The following ZNF804A variants were observed in gnomAD, a reference collection of about 807,000 sequenced individuals.
The protein encoded by ZNF804A is zinc finger protein 804A.
Under a neutral mutation model 16.5 loss-of-function variants are expected in ZNF804A, and 2 were observed. The ratio of observed to expected loss-of-function variants is 0.12; its 90% CI spans 0.05 to 0.38. The LOEUF (loss-of-function observed/expected upper bound fraction) is 0.38, where lower values mean the gene tolerates loss of function less well. ZNF804A is among the 10% of genes least tolerant of loss of function. ZNF804A has a pLI of 0.99. For missense variants in ZNF804A, 1,473 were observed against 1,390.7 expected (o/e 1.06, Z -0.94); for synonymous variants, 534 against 489.6 (o/e 1.09, Z -1.20).
intron 1 of ZNF804A, among the ~76,000 whole-genome samples, chr2:184,862,665 C>CA (rs34348673): frequency 0.32 from 48,648 of 151,814 alleles, 10,568 homozygotes; most frequent in African/African-American, 0.62. Context: ...TAGTTATTAA[C>CA]TTTTTTTAAA....
chr2:184,912,732 C>T (rs1332295644), intron 2 of ZNF804A, among the ~76,000 whole-genome samples: 1 of 152,070 alleles, frequency 6.6e-6, no homozygotes, highest in Non-Finnish European at 1.5e-5. Context: ...CACATGCTTA[C>T]TTACCATTTG....
intron 1 of ZNF804A, among the ~76,000 whole-genome samples, chr2:184,716,383 A>G (rs1459500968): frequency 1.3e-5 from 2 of 152,186 alleles, no homozygotes; most frequent in East Asian, 3.9e-4. Flanking sequence ...ATGTAATAAT[A>G]TATGAATAAT....
chr2:184,598,862 G>A lies in ZNF804A; in HGVS notation c.-98G>A, dbSNP rs1288984092. 4.7e-6 allele frequency: 3 copies of A among 635,050 alleles called. No homozygotes were observed. The highest frequency in any genetic ancestry group is 7.3e-6 in the Non-Finnish European group (3 of 412,048). The allele number at this position is 635,050 out of a possible 1,614,324, so 39.3% of individuals were successfully genotyped here. On this transcript the variant is annotated 5_prime_UTR_variant, in exon 1 of 4. Transcript: ENST00000302277. The stretch of plus-strand genomic sequence containing the variant: ...GGGGGTGGCTGCGTGCCCTCGTGGC[G>A]GGTTCCCAGCCCACCGTCGCCGGCC...
intron 1 of ZNF804A, among the ~76,000 whole-genome samples, chr2:184,678,047 G>A (rs868156559): frequency 3.3e-5 from 5 of 151,840 alleles, no homozygotes; most frequent in Admixed American, 6.6e-5. Context: ...TTTTTAAAAG[G>A]TCAGAAGCAC....
chr2:184,857,633 T>C (rs1695719401), intron 1 of ZNF804A, among the ~76,000 whole-genome samples: 1 of 152,142 alleles, frequency 6.6e-6, no homozygotes, highest in Non-Finnish European at 1.5e-5. Context: ...ATATTTAATA[T>C]TAGTTTTATG....
intron 2 of ZNF804A, among the ~76,000 whole-genome samples, chr2:184,872,829 A>G (rs1374679616): frequency 6.6e-6 from 1 of 152,146 alleles, no homozygotes; most frequent in African/African-American, 2.4e-5. Context: ...ATCTTGCCTA[A>G]CAGTTACCAA....
chr2:184,938,422 A>G lies in ZNF804A; in HGVS notation c.3026A>G (p.Glu1009Gly), dbSNP rs202097248. The G allele has an allele frequency of 2.5e-6, 4 of 1,613,978 alleles. No individual in the cohort carries two copies. Among genetic ancestry groups the G allele is most frequent in the Non-Finnish European group, 3.4e-6 (4 of 1,180,026 alleles). ...LNTQPPLPFK[E>G]AHVSGHTFVT... ...ACACAACCACCATTACCATTCAAAG[A>G]AGCACATGTCAGTGGTCATACTTTT... The change falls in exon 4 of 4, where the codon GAA (glutamate) becomes GGA (glycine). Residue 1009 changes from glutamate (E) to glycine (G), a missense_variant. By Grantham distance (98) the Glu-to-Gly change is moderately conservative (BLOSUM62 -2). Coordinates refer to ENST00000302277, the MANE Select transcript of ZNF804A (RefSeq NM_194250.2).
intron 1 of ZNF804A, among the ~76,000 whole-genome samples, chr2:184,625,878 A>AT (rs1559111398): frequency 6.6e-6 from 1 of 151,602 alleles, no homozygotes; most frequent in Non-Finnish European, 1.5e-5. Context: ...TTTATTTATT[A>AT]TTTTTTTTGA....
chr2:184,883,541 T>C (rs1279951012), intron 2 of ZNF804A, among the ~76,000 whole-genome samples: 1 of 151,860 alleles, frequency 6.6e-6, no homozygotes, highest in African/African-American at 2.4e-5. Flanking sequence ...GCAAAATCCT[T>C]TTGAATAGAT....
At chr2:184,755,818 T>G (rs1294064432) in intron 1 of ZNF804A, among the ~76,000 whole-genome samples, 1 of 152,062 alleles carries the variant, frequency 6.6e-6, no homozygotes, top group Non-Finnish European at 1.5e-5. Context: ...TTAGTTGCTT[T>G]GTTCTAGAAT....
At chr2:184,829,921 AAC>A (rs1558974934) in intron 1 of ZNF804A, among the ~76,000 whole-genome samples, 11 of 92,242 alleles carry the variant, frequency 1.2e-4, no homozygotes, top group African/African-American at 3.6e-4. Context: ...AAAAAAAAAA[AAC>A]AAAAACAAAA....
intron 1 of ZNF804A, among the ~76,000 whole-genome samples, chr2:184,829,916 A>C (rs1329439837): frequency 9.4e-5 from 10 of 106,762 alleles, no homozygotes; most frequent in East Asian, 4.3e-4. Context: ...AAAAAAAAAA[A>C]AAAAAACAAA....
At chr2:184,757,011 C>T (rs184331837) in intron 1 of ZNF804A, among the ~76,000 whole-genome samples, 121 of 152,092 alleles carry the variant, frequency 8.0e-4, no homozygotes, top group African/African-American at 2.6e-3. Context: ...TTTTCCTCTA[C>T]GTCTGGTTTA....
At chr2:184,636,269 C>T (rs1452260217) in intron 1 of ZNF804A, among the ~76,000 whole-genome samples, 1 of 151,414 alleles carries the variant, frequency 6.6e-6, no homozygotes, top group African/African-American at 2.4e-5. Context: ...AATACTATGC[C>T]ACTGAAATGC....
intron 1 of ZNF804A, among the ~76,000 whole-genome samples, chr2:184,611,092 G>A (rs538996786): frequency 5.9e-5 from 9 of 152,210 alleles, no homozygotes; most frequent in African/African-American, 1.9e-4. Context: ...TTGGTGTCTG[G>A]TGAGAGCTTG....
intron 1 of ZNF804A, among the ~76,000 whole-genome samples, chr2:184,650,218 A>G (rs13035700): frequency 2.0e-5 from 3 of 152,286 alleles, no homozygotes; most frequent in Admixed American, 6.5e-5. Context: ...GCGTAAGATC[A>G]TCTCAGTAGG....
chr2:184,861,454 T>C (rs1188320911), intron 1 of ZNF804A, among the ~76,000 whole-genome samples: 1 of 152,178 alleles, frequency 6.6e-6, no homozygotes, highest in Non-Finnish European at 1.5e-5. Flanking sequence ...TTTTCCATCA[T>C]CTTGCTGACA....
intron 1 of ZNF804A, among the ~76,000 whole-genome samples, chr2:184,661,106 T>C (rs991178800): frequency 3.3e-5 from 5 of 152,244 alleles, no homozygotes; most frequent in Non-Finnish European, 4.4e-5. Flanking sequence ...ATTCTTTATA[T>C]ATGAAATTGG....
chr2:184,679,286 C>G (rs1326051258), intron 1 of ZNF804A, among the ~76,000 whole-genome samples: 1 of 152,158 alleles, frequency 6.6e-6, no homozygotes, highest in Non-Finnish European at 1.5e-5. Context: ...ACAAATGTAA[C>G]TAATAGACAA....
Sources: gnomAD v4.1 joint callset for allele counts (sites outside exome capture counted in the v4.1 genomes callset) on GRCh38, gnomAD v4.1.1 for gene constraint, MANE v1.5 for transcripts, NCBI Gene and HGNC (gene_info 2026-07-23, HGNC 2026-07-21) for gene names.